COP1: variants seen among roughly 807,000 people sequenced by gnomAD.
The protein encoded by COP1 is E3 ubiquitin-protein ligase COP1.
Under a neutral mutation model 101.3 loss-of-function variants are expected in COP1, and 24 were observed. The observed-to-expected ratio is 0.24, with a 90% confidence interval of 0.17 to 0.33. The LOEUF (loss-of-function observed/expected upper bound fraction) is 0.33. COP1 is among the 10% of genes least tolerant of loss of function. The pLI, the probability that COP1 is intolerant of heterozygous loss-of-function variation, is 1.00. For missense variants in COP1, 663 were observed against 906.2 expected (o/e 0.73, Z 3.45); for synonymous variants, 347 against 341.9 (o/e 1.01, Z -0.17).
At chr1:176,203,044 G>T (rs1700437372) in intron 1 of COP1, among the ~76,000 whole-genome samples, 1 of 152,054 alleles carries the variant, frequency 6.6e-6, no homozygotes, top group Non-Finnish European at 1.5e-5. Context: ...ATGATTAAAA[G>T]TCAACCTTCT....
intron 5 of COP1, among the ~76,000 whole-genome samples, chr1:176,151,831 T>C (rs756057561): frequency 6.6e-5 from 10 of 152,144 alleles, no homozygotes; most frequent in Non-Finnish European, 1.5e-4. Context: ...GATTTTTAAA[T>C]ATTTCACTAT....
At chr1:176,094,998 A>G (rs982297963) in intron 9 of COP1, among the ~76,000 whole-genome samples, 4 of 152,192 alleles carry the variant, frequency 2.6e-5, no homozygotes, top group African/African-American at 9.6e-5. Flanking sequence ...TTCCCTGTCA[A>G]TTCCACTAAG....
intron 6 of COP1, among the ~76,000 whole-genome samples, chr1:176,145,784 A>G (rs1412234363): frequency 6.6e-6 from 1 of 152,162 alleles, no homozygotes; most frequent in African/African-American, 2.4e-5. Context: ...AAACAGAGAG[A>G]CCTATGGATA....
At chr1:176,087,671 T>C (rs1048885226) in intron 9 of COP1, among the ~76,000 whole-genome samples, 1 of 152,204 alleles carries the variant, frequency 6.6e-6, no homozygotes, top group Non-Finnish European at 1.5e-5. Context: ...TATAAACTAA[T>C]TCAACCATTG....
chr1:176,188,754 C>T (rs1000948146), intron 1 of COP1, among the ~76,000 whole-genome samples: 4 of 152,038 alleles, frequency 2.6e-5, no homozygotes, highest in African/African-American at 9.7e-5. Flanking sequence ...TGTTCTTACT[C>T]CTCCACCAAC....
At chr1:176,097,073 G>C (rs778250363) in intron 9 of COP1, among the ~76,000 whole-genome samples, 2 of 152,212 alleles carry the variant, frequency 1.3e-5, no homozygotes, top group Non-Finnish European at 2.9e-5. Context: ...TTGAAAGCCA[G>C]AAATATTGGC....
intron 15 of COP1, among the ~76,000 whole-genome samples, chr1:176,019,336 G>A (rs1316164700): frequency 2.0e-5 from 3 of 150,080 alleles, no homozygotes; most frequent in Admixed American, 6.6e-5. Flanking sequence ...GGTGGTGTGC[G>A]CTTGTAGTCC....
chr1:175,983,396 C>A (rs12023976), intron 18 of COP1, among the ~76,000 whole-genome samples: 44,304 of 152,096 alleles, frequency 0.29, 7,791 homozygotes, highest in Middle Eastern at 0.38. Flanking sequence ...GTTTTCTTCT[C>A]TTTTCTGCTG....
At chr1:175,963,342 A>T (rs1466148172) in intron 18 of COP1, among the ~76,000 whole-genome samples, 2 of 151,990 alleles carry the variant, frequency 1.3e-5, no homozygotes, top group Admixed American at 1.3e-4. Flanking sequence ...CATCCTACTT[A>T]GACACTTTAT....
intron 1 of COP1, among the ~76,000 whole-genome samples, chr1:176,187,191 C>T (rs1698566339): frequency 6.6e-6 from 1 of 152,058 alleles, no homozygotes; most frequent in South Asian, 2.1e-4. Flanking sequence ...CTGGCATGAT[C>T]ATGACTCACT....
chr1:175,981,847 A>G (rs1655941849), intron 18 of COP1, among the ~76,000 whole-genome samples: 1 of 152,174 alleles, frequency 6.6e-6, no homozygotes, highest in African/African-American at 2.4e-5. Context: ...ACATTTCTCA[A>G]AAAAAGACAT....
intron 18 of COP1, among the ~76,000 whole-genome samples, chr1:175,975,054 C>T (rs1462635386): frequency 6.6e-6 from 1 of 151,956 alleles, no homozygotes; most frequent in African/African-American, 2.4e-5. Context: ...AGAAACATGG[C>T]ACCTAAAGGG....
intron 18 of COP1, among the ~76,000 whole-genome samples, chr1:175,959,498 A>G (rs1157060047): frequency 2.6e-5 from 4 of 152,122 alleles, no homozygotes; most frequent in African/African-American, 9.6e-5. Context: ...GTACTGGAAA[A>G]GCAGACACTA....
chr1:176,085,738 G>A (rs2149422623), intron 10 of COP1, 38 bp downstream of exon 10: 1 of 1,196,944 alleles, frequency 8.4e-7, no homozygotes, highest in Non-Finnish European at 1.2e-6. Context: ...GATCTGAAAT[G>A]TAGATTTCAG....
chr1:175,966,041 A>AAT (rs1651978507), intron 18 of COP1, among the ~76,000 whole-genome samples: 1 of 152,118 alleles, frequency 6.6e-6, no homozygotes, highest in Non-Finnish European at 1.5e-5. Flanking sequence ...AAGGTTTTTA[A>AAT]ATGCCATTTG....
At chr1:176,127,074 G>GT (rs1303998384) in intron 8 of COP1, among the ~76,000 whole-genome samples, 1 of 151,974 alleles carries the variant, frequency 6.6e-6, no homozygotes, top group African/African-American at 2.4e-5. Flanking sequence ...GCCTAACAGT[G>GT]TTTTTTAAAT....
chr1:176,034,577 G>T (rs1442401811), intron 14 of COP1, among the ~76,000 whole-genome samples: 1 of 152,112 alleles, frequency 6.6e-6, no homozygotes, highest in Non-Finnish European at 1.5e-5. Context: ...CAACCTTCTT[G>T]ACAAAGTATC....
intron 8 of COP1, among the ~76,000 whole-genome samples, chr1:176,134,629 G>T (rs187499608): frequency 8.5e-4 from 130 of 152,102 alleles, no homozygotes; most frequent in Middle Eastern, 3.4e-3. Flanking sequence ...AATTTAACAA[G>T]TTAGGGGGAG....
Position 176,175,146 on chromosome 1 carries a change from C to T in COP1, c.565+764G>A, listed in dbSNP as rs143042078. 2.6e-3 allele frequency among the ~76,000 whole-genome samples: 397 copies of T among 152,272 alleles called. 3 individuals are homozygous for T. Among genetic ancestry groups the T allele is most frequent in the African/African-American group, 9.1e-3 (380 of 41,562 alleles). On this transcript the variant is annotated intron_variant, in intron 3 of 19. Coordinates refer to ENST00000367669, the MANE Select transcript of COP1 (RefSeq NM_022457.7). Reference sequence around the variant, plus strand: ...ACCCATTCACTCCCAACTCAGCAAGCATCACACCCAAGTTTTTTTGTCCCC... The same window carrying T: ...ACCCATTCACTCCCAACTCAGCAAGTATCACACCCAAGTTTTTTTGTCCCC...
Sources: allele counts gnomAD v4.1 joint callset (sites outside exome capture counted in the v4.1 genomes callset), GRCh38; gene constraint gnomAD v4.1.1; transcripts MANE v1.5; gene names NCBI Gene and HGNC (gene_info 2026-07-23, HGNC 2026-07-21).